GTF2IRD1: variants seen among roughly 807,000 people sequenced by gnomAD.
GTF2IRD1 encodes GTF2I repeat domain containing 1, also known as general transcription factor II-I repeat domain-containing protein 1.
In GTF2IRD1, 26 loss-of-function variants were observed where a neutral mutation model predicts 113.2. The ratio of observed to expected loss-of-function variants is 0.23; its 90% CI spans 0.17 to 0.32. The LOEUF is 0.32. Among genes scored for constraint, GTF2IRD1 ranks in the 10% least tolerant of loss-of-function variants. GTF2IRD1 has a pLI of 1.00. For missense variants in GTF2IRD1, 864 were observed against 1,280.8 expected (o/e 0.67, Z 4.97); for synonymous variants, 484 against 529.1 (o/e 0.91, Z 1.17).
Position 74,521,256 on chromosome 7 carries a change from C to T in GTF2IRD1, c.965C>T (p.Ala322Val), listed in dbSNP as rs782451671. 20 of 1,611,606 alleles carry T rather than the reference C, an allele frequency of 1.2e-5. No homozygotes were observed. Among genetic ancestry groups the T allele is most frequent in the Non-Finnish European group, 1.4e-5 (17 of 1,178,116 alleles). The part of the protein sequence containing the change: ...PGGPLIQNVH[A>V]SKRILFSIVH... ...GGGCCTCTCATCCAGAACGTCCATG[C>T]CTCCAAGCGCATTCTCTTCTCCATC... The change falls in exon 7 of 27, where the codon GCC (alanine) becomes GTC (valine). Residue 322 changes from alanine to valine, a missense_variant. Ala to Val is a moderately conservative substitution (Grantham distance 64). Around this residue, in one of 7 missense-constraint regions of GTF2IRD1, gnomAD observed 195 missense variants for 196.6 expected, o/e 0.99. Coordinates refer to ENST00000424337, the MANE Select transcript of GTF2IRD1 (RefSeq NM_005685.4).
intron 19 of GTF2IRD1, among the ~76,000 whole-genome samples, chr7:74,556,480 C>T (rs1315849592): frequency 4.6e-5 from 7 of 151,352 alleles, no homozygotes; most frequent in African/African-American, 1.7e-4. Flanking sequence ...GCCACCACAC[C>T]CGGCTAATTT....
intron 14 of GTF2IRD1, 35 bp downstream of exon 14, chr7:74,540,003 C>G (rs781935342): frequency 1.4e-6 from 2 of 1,475,072 alleles, no homozygotes; most frequent in South Asian, 2.3e-5. Context: ...GTGCTTGGGA[C>G]TCAGCTCTCC....
chr7:74,481,199 G>T (rs1226271006), intron 1 of GTF2IRD1, among the ~76,000 whole-genome samples: 4 of 152,236 alleles, frequency 2.6e-5, no homozygotes, highest in African/African-American at 9.6e-5. Context: ...CTATCGCCCA[G>T]GCTGGAGTGC....
At chr7:74,602,166 C>T (rs1019618277) in intron 26 of GTF2IRD1, 199 bp from the exon 27 acceptor site, 3 of 462,300 alleles carry the variant, frequency 6.5e-6, no homozygotes, top group Non-Finnish European at 1.1e-5. Context: ...CGCTTGAACC[C>T]GCGGGGCCAA....
At chr7:74,586,482 G>T (rs587682152) in intron 22 of GTF2IRD1, among the ~76,000 whole-genome samples, 45 of 152,338 alleles carry the variant, frequency 3.0e-4, no homozygotes, top group Admixed American at 2.2e-3. Flanking sequence ...GGCACGCAGG[G>T]GGGCTGGCGG....
At chr7:74,571,093 A>G in intron 22 of GTF2IRD1, 1 of 985,166 alleles carries the variant, frequency 1.0e-6, no homozygotes, top group Non-Finnish European at 1.2e-6. Context: ...GTGGGAAGGC[A>G]GCGCCCCACC....
intron 16 of GTF2IRD1, 54 bp from the exon 17 acceptor site, chr7:74,547,041 CAGGGGTTG>C (rs1330045039): frequency 6.8e-7 from 1 of 1,478,564 alleles, no homozygotes; most frequent in Non-Finnish European, 9.3e-7. Flanking sequence ...GCACGGGACA[CAGGGGTTG>C]AGGCTCCTGG....
chr7:74,462,925 C>A (rs1793475031), intron 1 of GTF2IRD1, among the ~76,000 whole-genome samples: 1 of 152,218 alleles, frequency 6.6e-6, no homozygotes. Context: ...GGCTATGGGG[C>A]CAGGACAGCT....
chr7:74,545,784 G>A lies in GTF2IRD1; in HGVS notation c.1707G>A (p.Val569=), dbSNP rs1554353115. 1 of 1,613,274 alleles carries A rather than the reference G, an allele frequency of 6.2e-7. No individual in the cohort carries two copies. Among genetic ancestry groups the A allele is most frequent in the Admixed American group, 1.7e-5 (1 of 60,018 alleles). The change falls in exon 16 of 27, where the codon GTG becomes GTA. Residue 569 remains valine (V), a synonymous_variant. Coordinates refer to ENST00000424337, the MANE Select transcript of GTF2IRD1 (RefSeq NM_005685.4). ...GDVIRPLRKQ[V]ELLFNTRYAK... ...TGATCCGGCCCCTGCGGAAGCAGGT[G>A]GAGCTGCTCTTCAACACACGATACG...
intron 19 of GTF2IRD1, among the ~76,000 whole-genome samples, chr7:74,556,916 G>A (rs587772361): frequency 2.6e-5 from 4 of 151,926 alleles, no homozygotes; most frequent in Middle Eastern, 3.4e-3. Context: ...GAGCCGCCGC[G>A]CCCGGTCACA....
chr7:74,521,252 C>T lies in GTF2IRD1; in HGVS notation c.961C>T (p.His321Tyr). ...GPGGPLIQNV[H>Y]ASKRILFSIV... ...TGGTGGGCCTCTCATCCAGAACGTC[C>T]ATGCCTCCAAGCGCATTCTCTTCTC... Residue 321 changes from histidine to tyrosine, a missense_variant, in exon 7 of 27, where the codon CAT becomes TAT. Physicochemically the swap from His to Tyr is moderately conservative, Grantham distance 83 (BLOSUM62 2). This residue lies in a region of GTF2IRD1 where 195 missense variants were observed against 196.6 expected (regional missense o/e 0.99). Transcript: ENST00000424337. 6.2e-7 allele frequency: 1 copy of T among 1,612,040 alleles called. No homozygotes were observed. Among genetic ancestry groups the T allele is most frequent in the Non-Finnish European group, 8.5e-7 (1 of 1,178,410 alleles).
Position 74,582,269 on chromosome 7 carries a change from C to T in GTF2IRD1, c.2321-7582C>T, listed in dbSNP as rs587684187. On this transcript the variant is annotated intron_variant, in intron 22 of 26. Transcript: ENST00000424337. ...ACAAACCCAGTGTCAGGTCCCCAGA[C>T]ACGGCAGGGGACAGGGGAGTTGGTC... is the stretch of plus-strand genomic sequence containing the variant. Among the ~76,000 whole-genome samples, 5 of 152,314 alleles carry T rather than the reference C, an allele frequency of 3.3e-5. No homozygotes were observed. In the East Asian group the frequency reaches 9.6e-4, roughly 29 times the overall value.
intron 1 of GTF2IRD1, among the ~76,000 whole-genome samples, chr7:74,496,940 T>C (rs1795770542): frequency 6.6e-6 from 1 of 151,828 alleles, no homozygotes; most frequent in Non-Finnish European, 1.5e-5. Flanking sequence ...GGTGGGAGGA[T>C]TGTTTGAGGC....
chr7:74,483,724 A>T (rs11975123), intron 1 of GTF2IRD1, among the ~76,000 whole-genome samples: 19,196 of 151,906 alleles, frequency 0.13, 1,328 homozygotes, highest in African/African-American at 0.18. Flanking sequence ...AAACATTTTT[A>T]AAAAAATTAG....
intron 9 of GTF2IRD1, among the ~76,000 whole-genome samples, chr7:74,534,444 A>C (rs1187972299): frequency 6.6e-6 from 1 of 152,182 alleles, no homozygotes; most frequent in Non-Finnish European, 1.5e-5. Context: ...TCTACTAAAA[A>C]TACAGAAATT....
chr7:74,516,340 C>T (rs1796926611), intron 4 of GTF2IRD1, among the ~76,000 whole-genome samples: 1 of 152,228 alleles, frequency 6.6e-6, no homozygotes, highest in Non-Finnish European at 1.5e-5. Context: ...CTGTCTCCAG[C>T]CTACAGTTCA....
At chr7:74,554,521 T>C (rs185582210) in intron 17 of GTF2IRD1, among the ~76,000 whole-genome samples, 2 of 152,248 alleles carry the variant, frequency 1.3e-5, no homozygotes, top group African/African-American at 4.8e-5. Context: ...TGCTTCGTAG[T>C]GGGCCCCGAC....
intron 16 of GTF2IRD1, 82 bp downstream of exon 16, chr7:74,545,891 C>T (rs1798898480): frequency 1.0e-6 from 1 of 996,746 alleles, no homozygotes; most frequent in African/African-American, 1.6e-5. Flanking sequence ...TTGGTCGCAT[C>T]CCCTTGCCTG....
intron 1 of GTF2IRD1, among the ~76,000 whole-genome samples, chr7:74,455,527 C>G (rs73135307): frequency 0.065 from 9,862 of 152,174 alleles, 317 homozygotes; most frequent in Non-Finnish European, 0.071. Flanking sequence ...GCACCAGCAT[C>G]GATTATTTAT....
Sources: allele counts gnomAD v4.1 joint callset (sites outside exome capture counted in the v4.1 genomes callset), GRCh38; gene constraint gnomAD v4.1.1; regional missense constraint gnomAD v4.1.1; transcripts MANE v1.5; gene names NCBI Gene and HGNC (gene_info 2026-07-23, HGNC 2026-07-21).